Variants in ELP1 observed in about 807,000 individuals in gnomAD.
ELP1 encodes the protein elongator complex protein 1.
A neutral mutation model predicts 183.2 loss-of-function variants in ELP1; 131 were observed. The observed-to-expected ratio is 0.72, with a 90% CI of 0.62 to 0.83. ELP1 has a LOEUF of 0.83. Among genes scored for constraint, ELP1 ranks in the 40% least tolerant of loss-of-function variants. ELP1 has a pLI of 0.00. For synonymous variants in ELP1, 555 were observed against 569.0 expected (o/e 0.98, Z 0.35); for missense variants, 1,550 against 1,594.9 (o/e 0.97, Z 0.48).
At chr9:108,929,746 CCT>C (rs1564109198) in intron 3 of ELP1, 21 bp downstream of exon 3, 1 of 1,612,878 alleles carries the variant, frequency 6.2e-7, no homozygotes, top group South Asian at 1.1e-5. Context: ...GAGACTCCCC[CCT>C]CACTGGAGTC....
Position 108,912,360 on chromosome 9 carries a change from C to A in ELP1, c.1093G>T (p.Gly365Cys), listed in dbSNP as rs367921553. Residue 365 changes from glycine to cysteine, a missense_variant, in exon 11 of 37, where the codon GGC (glycine) becomes TGC (cysteine). Transcript: ENST00000374647. ...CAATCATAGGCGAGGTAATGCCAGCCCTGACAGAGAACATGCAGCCGGTAT... is the reference window on the plus strand; with the variant it reads ...CAATCATAGGCGAGGTAATGCCAGCACTGACAGAGAACATGCAGCCGGTAT... ...TPYRLHVLCQ[G>C]WHYLAYDWHW... The A allele has an allele frequency of 3.8e-5, 62 of 1,614,056 alleles. No individual in the cohort carries two copies. Among genetic ancestry groups the A allele is most frequent in the Non-Finnish European group, 8.5e-6 (10 of 1,180,044 alleles).
intron 22 of ELP1, 97 bp downstream of exon 22, chr9:108,898,404 TA>T: frequency 2.5e-6 from 2 of 802,542 alleles, no homozygotes; most frequent in Non-Finnish European, 4.1e-6. Context: ...AAATGAACAG[TA>T]AGGAATTTTT....
intron 16 of ELP1, among the ~76,000 whole-genome samples, 193 bp downstream of exon 16, chr9:108,902,646 G>A (rs563643598): frequency 6.6e-6 from 1 of 152,294 alleles, no homozygotes; most frequent in Admixed American, 6.5e-5. Context: ...TCTGAACCCT[G>A]ATAGACAGAT....
intron 14 of ELP1, among the ~76,000 whole-genome samples, chr9:108,905,217 T>C (rs1330129303): frequency 1.3e-5 from 2 of 152,318 alleles, no homozygotes; most frequent in South Asian, 4.1e-4. Flanking sequence ...ATGTAATGTA[T>C]ATATATAAAG....
chr9:108,911,269 T>C (rs1185208789), intron 11 of ELP1, 89 bp from the exon 12 acceptor site: 7 of 1,214,570 alleles, frequency 5.8e-6, no homozygotes, highest in African/African-American at 1.5e-5. Context: ...ATCTAAACAA[T>C]AATGGCAATT....
At chr9:108,904,188 TTTG>T (rs1160840083) in intron 14 of ELP1, among the ~76,000 whole-genome samples, 3 of 152,208 alleles carry the variant, frequency 2.0e-5, no homozygotes, top group Non-Finnish European at 2.9e-5. Flanking sequence ...ATGAAGGGAA[TTTG>T]TTATCACCAT....
chr9:108,918,646 G>GAA (rs35212638), intron 8 of ELP1, among the ~76,000 whole-genome samples, 165 bp downstream of exon 8: 14 of 138,512 alleles, frequency 1.0e-4, no homozygotes, highest in South Asian at 2.3e-4. Context: ...CAGGGAATAA[G>GAA]AAAAAAAAAA....
intron 3 of ELP1, among the ~76,000 whole-genome samples, chr9:108,928,967 A>C (rs982070010): frequency 1.3e-5 from 2 of 152,248 alleles, no homozygotes; most frequent in African/African-American, 4.8e-5. Context: ...TCTGTGCCTT[A>C]ACTGCCTCTT....
At position 108,879,518 on chromosome 9, in the gene ELP1, G is replaced by T. The variant is rs1346607644; in HGVS notation, c.3500C>A (p.Ser1167Tyr). The T allele has an allele frequency of 6.2e-7, 1 of 1,614,118 alleles. No individual in the cohort carries two copies. Among genetic ancestry groups the T allele is most frequent in the Non-Finnish European group, 8.5e-7 (1 of 1,179,990 alleles). Residue 1167 changes from serine to tyrosine, a missense_variant, in exon 33 of 37, where the codon TCT becomes TAT. Coordinates refer to ENST00000374647, the MANE Select transcript of ELP1 (RefSeq NM_003640.5). ...VPHGQESDLF[S>Y]ETSSVVSGSE... The stretch of plus-strand genomic sequence containing the variant: ...GCCACTCACGACACTGCTAGTTTCA[G>T]AGAAGAGGTCTGACTCTTGCCCGTG...
At chr9:108,887,364 T>A (rs1215441856) in intron 29 of ELP1, among the ~76,000 whole-genome samples, 4 of 152,102 alleles carry the variant, frequency 2.6e-5, no homozygotes. Flanking sequence ...GAAAATGCAA[T>A]ACAGATAGAA....
intron 16 of ELP1, 141 bp downstream of exon 16, chr9:108,902,698 G>A: frequency 1.4e-6 from 1 of 708,426 alleles, no homozygotes; most frequent in Non-Finnish European, 2.6e-6. Context: ...TGTGGCTTAT[G>A]AAAGTGAGAT....
At chr9:108,871,371 T>C (rs540619942) in intron 36 of ELP1, among the ~76,000 whole-genome samples, 2 of 152,156 alleles carry the variant, frequency 1.3e-5, no homozygotes, top group Non-Finnish European at 2.9e-5. Flanking sequence ...TTCTCCAGTA[T>C]CAAAAGAACT....
At chr9:108,926,756 G>C (rs1829836797) in intron 4 of ELP1, among the ~76,000 whole-genome samples, 153 bp from the exon 5 acceptor site, 1 of 151,952 alleles carries the variant, frequency 6.6e-6, no homozygotes, top group African/African-American at 2.4e-5. Flanking sequence ...AAACAACAAT[G>C]ACAAAAAACC....
chr9:108,880,108 T>C lies in ELP1; in HGVS notation c.3404A>G (p.Lys1135Arg). Residue 1135 changes from lysine to arginine, a missense_variant, in exon 32 of 37, where the codon AAG becomes AGG. Lys to Arg is a conservative substitution (Grantham distance 26, BLOSUM62 2). Coordinates refer to ENST00000374647, the MANE Select transcript of ELP1 (RefSeq NM_003640.5). ...DSQTATFSRHKKRLLVVRELK... is the reference protein window; with the variant it reads ...DSQTATFSRHRKRLLVVRELK... ...CTCTCGAACTACCAATAAACGTTTC[T>C]TGTGGCGACTGAATGTGGCTGTCTG... The C allele has an allele frequency of 1.2e-6, 2 of 1,614,200 alleles. No individual in the cohort carries two copies. Among genetic ancestry groups the C allele is most frequent in the Non-Finnish European group, 1.7e-6 (2 of 1,180,026 alleles).
chr9:108,905,538 C>G (rs1431007778), intron 14 of ELP1, among the ~76,000 whole-genome samples: 3 of 152,100 alleles, frequency 2.0e-5, no homozygotes, highest in Non-Finnish European at 4.4e-5. Flanking sequence ...TAAATGTAGT[C>G]AGGTACAAAA....
intron 10 of ELP1, among the ~76,000 whole-genome samples, chr9:108,915,544 TCTTAC>T (rs758708437): frequency 3.9e-5 from 6 of 152,226 alleles, no homozygotes; most frequent in African/African-American, 7.2e-5. Context: ...CAACATCAAT[TCTTAC>T]CTGAATTTCC....
chr9:108,916,116 A>G, intron 10 of ELP1, 88 bp downstream of exon 10: 2 of 978,716 alleles, frequency 2.0e-6, no homozygotes, highest in South Asian at 1.3e-5. Flanking sequence ...CTAAGGGACT[A>G]AGTAGAAGGG....
chr9:108,874,260 C>T (rs1168239849), intron 36 of ELP1, among the ~76,000 whole-genome samples: 1 of 151,738 alleles, frequency 6.6e-6, no homozygotes, highest in African/African-American at 2.4e-5. Context: ...AGGGCAAATA[C>T]TGAAAGTCCC....
At chr9:108,932,684 G>T (rs1202367926) in intron 1 of ELP1, among the ~76,000 whole-genome samples, 1 of 151,904 alleles carries the variant, frequency 6.6e-6, no homozygotes, top group Non-Finnish European at 1.5e-5. Context: ...CTCAAAACTA[G>T]TTTCTCTGAA....
Sources: allele counts gnomAD v4.1 joint callset (sites outside exome capture counted in the v4.1 genomes callset), GRCh38; gene constraint gnomAD v4.1.1; transcripts MANE v1.5; gene names NCBI Gene and HGNC (gene_info 2026-07-23, HGNC 2026-07-21).